The following IRAG1 variants were observed in gnomAD, a reference collection of about 807,000 sequenced individuals.
IRAG1 encodes the protein inositol 1,4,5-triphosphate receptor associated 1.
A neutral mutation model predicts 106.2 loss-of-function variants in IRAG1; 62 were observed. The ratio of observed to expected loss-of-function variants is 0.58; its 90% CI spans 0.48 to 0.72. IRAG1 has a LOEUF of 0.72. Ranked by LOEUF, IRAG1 falls within the 30% of genes least tolerant of loss-of-function variation. IRAG1 has a pLI of 0.00. For missense variants in IRAG1, 1,064 were observed against 1,140.7 expected, an observed-to-expected ratio of 0.93 and a Z score of 0.97; for synonymous variants, 462 against 443.9, an observed-to-expected ratio of 1.04 and a Z score of -0.51.
intron 10 of IRAG1, among the ~76,000 whole-genome samples, chr11:10,620,046 G>C (rs1855714756): frequency 6.6e-6 from 1 of 152,172 alleles, no homozygotes; most frequent in African/African-American, 2.4e-5. Flanking sequence ...TAATCTGGCA[G>C]TGTGCACATA....
At chr11:10,643,302 C>A (rs1042422575) in intron 2 of IRAG1, among the ~76,000 whole-genome samples, 1 of 151,748 alleles carries the variant, frequency 6.6e-6, no homozygotes, top group African/African-American at 2.4e-5. Context: ...GGACATGGGG[C>A]TCCTCCCTGC....
rs1856483871 is a variant in IRAG1, at chr11:10,628,953, A to G, written c.575-125T>C. 7 of 846,998 alleles carry G rather than the reference A, an allele frequency of 8.3e-6. No homozygotes were observed. The South Asian group carries it at 1.2e-4, about 14-fold the overall frequency. 52.5% of individuals were successfully genotyped at this position (846,998 alleles called of 1,614,324 possible). ...TCTGCCTTGCTGGGCTCAGGGGCTGATGCTGGACTGCAATATGATGCTCCT... is the reference window on the plus strand; with the variant it reads ...TCTGCCTTGCTGGGCTCAGGGGCTGGTGCTGGACTGCAATATGATGCTCCT... On this transcript the variant is annotated intron_variant, in intron 5 of 20. Transcript: ENST00000423302. This position sits in a 1 kb window ranked among gnomAD's most constrained non-coding sequence, Gnocchi z 4.1.
intron 3 of IRAG1, among the ~76,000 whole-genome samples, chr11:10,633,140 T>C (rs1856843395): frequency 1.3e-5 from 2 of 150,472 alleles, no homozygotes; most frequent in South Asian, 4.2e-4. Context: ...AGTGGCGCGA[T>C]CTGGGCTCAC....
rs537549924 is a variant in IRAG1 at position 10,649,330 on chromosome 11, G to T, written c.225+2695C>A. On this transcript the variant is annotated intron_variant, in intron 2 of 20. Coordinates refer to ENST00000423302, the MANE Select transcript of IRAG1 (RefSeq NM_130385.4). ...TTGAGTTTGATGTGGCCTTTGGTTGGGGGGGTCTGAACTGCCCCAGCTTCA... is the reference window on the plus strand; with the variant it reads ...TTGAGTTTGATGTGGCCTTTGGTTGTGGGGGTCTGAACTGCCCCAGCTTCA... Among the ~76,000 whole-genome samples the T allele has an allele frequency of 7.9e-4, 120 of 152,298 alleles. 1 individual carries two copies. Among genetic ancestry groups the T allele is most frequent in the African/African-American group, 2.8e-3 (118 of 41,560 alleles).
intron 5 of IRAG1, 21 bp downstream of exon 5, chr11:10,629,517 C>T (rs767760962): frequency 2.4e-5 from 38 of 1,607,468 alleles, no homozygotes; most frequent in Non-Finnish European, 3.0e-5. Context: ...GGGCAGCCAC[C>T]TGTACATCCT....
At chr11:10,584,155 GTC>G (rs1387745120) in intron 18 of IRAG1, among the ~76,000 whole-genome samples, 8 of 152,072 alleles carry the variant, frequency 5.3e-5, no homozygotes, top group Admixed American at 5.2e-4. Context: ...TCATGGAGGA[GTC>G]CTCCAACAAG....
rs531000370 is a variant in IRAG1 at position 10,643,503 on chromosome 11, A to G, written c.225+8522T>C. The stretch of plus-strand genomic sequence containing the variant: ...ACTGTTTTTACTCTCATGCCAACAG[A>G]CTCTGGGAGTGTGGAAAAGCACACA... On this transcript the variant is annotated intron_variant, in intron 2 of 20. Transcript: ENST00000423302. 7.6e-4 allele frequency among the ~76,000 whole-genome samples: 116 copies of G among 152,242 alleles called. 1 individual carries two copies. Among genetic ancestry groups the G allele is most frequent in the African/African-American group, 2.6e-3 (108 of 41,542 alleles).
At position 10,581,866 on chromosome 11, in the gene IRAG1, C is replaced by A; in HGVS notation, c.2360+1G>T. ...CTTGGGGTGGCTGAGGTCTGACTCA[C>A]CCCTTGCTGTAGGCTTCTTCCTCCA... On this transcript the variant is annotated splice_donor_variant, in intron 19 of 20. Coordinates refer to ENST00000423302, the MANE Select transcript of IRAG1 (RefSeq NM_130385.4). LOFTEE classifies it high-confidence loss of function. 1 of 1,613,580 alleles carries A rather than the reference C, an allele frequency of 6.2e-7. No individual in the cohort carries two copies. The highest frequency in any genetic ancestry group is 8.5e-7 in the Non-Finnish European group (1 of 1,179,624).
At chr11:10,619,617 C>T (rs1855684778) in intron 10 of IRAG1, among the ~76,000 whole-genome samples, 1 of 152,202 alleles carries the variant, frequency 6.6e-6, no homozygotes, top group South Asian at 2.1e-4. Flanking sequence ...AGATAGAGTT[C>T]TACAACCTAA....
At chr11:10,594,589 G>A (rs76991034) in intron 15 of IRAG1, among the ~76,000 whole-genome samples, 1,779 of 152,322 alleles carry the variant, frequency 0.012, 18 homozygotes, top group Middle Eastern at 0.02. Flanking sequence ...AGCAAGGAAG[G>A]TGTGGTGCCA....
intron 10 of IRAG1, among the ~76,000 whole-genome samples, chr11:10,622,860 ATTG>A (rs1855937284): frequency 1.6e-5 from 1 of 63,862 alleles, no homozygotes; most frequent in African/African-American, 5.1e-5. Context: ...AGTGCCAGGC[ATTG>A]TTGTAAGCAG....
intron 1 of IRAG1, among the ~76,000 whole-genome samples, chr11:10,669,143 T>C (rs546778182): frequency 4.7e-4 from 71 of 152,300 alleles, no homozygotes; most frequent in African/African-American, 1.6e-3. Context: ...AACTAATGGA[T>C]TGGTATTTTT....
At chr11:10,594,294 G>A (rs1161955523) in intron 15 of IRAG1, 99 bp from the exon 16 acceptor site, 1 of 1,134,068 alleles carries the variant, frequency 8.8e-7, no homozygotes, top group East Asian at 2.6e-5. Flanking sequence ...GGCCAGAACT[G>A]GCCCTCAAGG....
intron 1 of IRAG1, among the ~76,000 whole-genome samples, chr11:10,684,246 G>A (rs1861485486): frequency 6.6e-6 from 1 of 152,152 alleles, no homozygotes; most frequent in Non-Finnish European, 1.5e-5. Flanking sequence ...AGAAAATGTG[G>A]CACATATACA....
chr11:10,595,911 A>T (rs2134250610), intron 15 of IRAG1: 1 of 152,172 alleles, frequency 6.6e-6, no homozygotes, highest in African/African-American at 2.4e-5. Context: ...TATGTACTCA[A>T]TGTCTAGCTC....
intron 20 of IRAG1, among the ~76,000 whole-genome samples, chr11:10,578,843 ACTCT>A: frequency 6.6e-6 from 1 of 151,570 alleles, no homozygotes; most frequent in South Asian, 2.1e-4. Context: ...TATTCCATGT[ACTCT>A]CTCTCTGTTT....
Position 10,626,210 on chromosome 11 carries a change from C to T in IRAG1, c.1124G>A (p.Gly375Asp). The T allele has an allele frequency of 6.3e-7, 1 of 1,580,644 alleles. No individual in the cohort carries two copies. The highest frequency in any genetic ancestry group is 8.6e-7 in the Non-Finnish European group (1 of 1,161,260). Residue 375 changes from glycine (G) to aspartate (D), a missense_variant, in exon 9 of 21, where the codon GGC becomes GAC. By Grantham distance (94) the Gly-to-Asp change is moderately conservative. Transcript: ENST00000423302. ...PAGEPMGPEAGSKAELPPTVS... is the reference protein window; with the variant it reads ...PAGEPMGPEADSKAELPPTVS... ...AGTGGGTGGAAGCTCAGCTTTGGAG[C>T]CAGCCTCGGGCCCCATCGGCTCTCC...
rs1851047571 is a variant in IRAG1 at position 10,578,395 on chromosome 11, G to A, written c.2496-1820C>T. Among the ~76,000 whole-genome samples the A allele has an allele frequency of 3.3e-5, 5 of 152,244 alleles. No individual in the cohort carries two copies. In the South Asian group the frequency reaches 8.3e-4, roughly 25 times the overall value. ...TCTGTTTTAATATGGTTAAAATATT[G>A]GGGTTTACCCAAAGTTTATTTAAAC... On this transcript the variant is annotated intron_variant, in intron 20 of 20. Transcript: ENST00000423302.
At chr11:10,585,337 C>T (rs1489426439) in intron 18 of IRAG1, among the ~76,000 whole-genome samples, 1 of 152,052 alleles carries the variant, frequency 6.6e-6, no homozygotes, top group Non-Finnish European at 1.5e-5. Flanking sequence ...TTGATCTTTC[C>T]AATGATAAGA....
Sources: allele counts gnomAD v4.1 joint callset (sites outside exome capture counted in the v4.1 genomes callset), GRCh38; gene constraint gnomAD v4.1.1; non-coding constraint Gnocchi (gnomAD v3.1); transcripts MANE v1.5; gene names NCBI Gene and HGNC (gene_info 2026-07-23, HGNC 2026-07-21).